DSCAM: variants seen among roughly 807,000 people sequenced by gnomAD.
DSCAM encodes the protein cell adhesion molecule DSCAM.
In DSCAM, 47 loss-of-function variants were observed where a neutral mutation model predicts 217.7. The ratio of observed to expected loss-of-function variants is 0.22; its 90% confidence interval spans 0.17 to 0.28. The LOEUF (loss-of-function observed/expected upper bound fraction) is 0.28, where lower values mean the gene tolerates loss of function less well. Among genes scored for constraint, DSCAM ranks in the 10% least tolerant of loss-of-function variants. The pLI is 1.00. For synonymous variants in DSCAM, 1,056 were observed against 1,015.3 expected (o/e 1.04, Z -0.76); for missense variants, 2,080 against 2,618.3 (o/e 0.79, Z 4.49).
chr21:40,083,118 G>A (rs563465444), intron 24 of DSCAM, among the ~76,000 whole-genome samples: 7 of 152,272 alleles, frequency 4.6e-5, no homozygotes, highest in African/African-American at 1.7e-4. Context: ...GAACGACCAT[G>A]CTCACTCCTT....
chr21:40,806,617 CTG>C lies in DSCAM; in HGVS notation c.43+40000_43+40001del, dbSNP rs544065296. Reference sequence around the variant, plus strand: ...CAATATGTACAAATACATTCAAGGGCTGTGTTTCTATTAGTTTCATCACCCTA... The same window carrying C: ...CAATATGTACAAATACATTCAAGGGCTGTTTCTATTAGTTTCATCACCCTA... On this transcript the variant is annotated intron_variant, in intron 1 of 32. Transcript: ENST00000400454. Among the ~76,000 whole-genome samples the C allele has an allele frequency of 1.4e-4, 21 of 152,286 alleles. 1 individual carries two copies. The East Asian group carries it at 4.1e-3, about 29-fold the overall frequency.
chr21:40,092,305 A>G (rs1484174052), intron 21 of DSCAM, among the ~76,000 whole-genome samples: 1 of 152,206 alleles, frequency 6.6e-6, no homozygotes. Flanking sequence ...GCCACCCAAG[A>G]GAGCCCTGAC....
intron 11 of DSCAM, among the ~76,000 whole-genome samples, chr21:40,241,686 C>T (rs1417194146): frequency 6.6e-6 from 1 of 152,130 alleles, no homozygotes; most frequent in Non-Finnish European, 1.5e-5. Flanking sequence ...ACCATAAAGA[C>T]ACATGCAAGC....
intron 30 of DSCAM, among the ~76,000 whole-genome samples, chr21:40,046,923 TGA>T (rs900651074): frequency 6.6e-6 from 1 of 152,042 alleles, no homozygotes; most frequent in African/African-American, 2.4e-5. Context: ...CTTTCCTCAT[TGA>T]GATCACCCTA....
At chr21:40,628,297 C>A (rs1001936992) in intron 3 of DSCAM, among the ~76,000 whole-genome samples, 3 of 152,190 alleles carry the variant, frequency 2.0e-5, no homozygotes, top group African/African-American at 7.2e-5. Flanking sequence ...CTGGCTCCCC[C>A]ACTTACCAGA....
intron 3 of DSCAM, among the ~76,000 whole-genome samples, chr21:40,407,795 C>T (rs1490995572): frequency 6.6e-6 from 1 of 152,206 alleles, no homozygotes; most frequent in Non-Finnish European, 1.5e-5. Flanking sequence ...CCCTCCAGAA[C>T]CCTGCTCTGC....
chr21:40,300,199 C>T (rs2073999339), intron 9 of DSCAM, among the ~76,000 whole-genome samples: 2 of 151,866 alleles, frequency 1.3e-5, no homozygotes, highest in Admixed American at 6.6e-5. Flanking sequence ...TGTAGAGCAC[C>T]ATATCCTTCC....
chr21:40,048,159 C>T (rs143718460), intron 30 of DSCAM, among the ~76,000 whole-genome samples: 32 of 152,320 alleles, frequency 2.1e-4, no homozygotes, highest in Non-Finnish European at 3.5e-4. Flanking sequence ...TCATCACCCA[C>T]GTTAAGAGCT....
At chr21:40,347,241 T>C (rs1468484503) in intron 6 of DSCAM, among the ~76,000 whole-genome samples, 1 of 146,218 alleles carries the variant, frequency 6.8e-6, no homozygotes, top group African/African-American at 2.6e-5. Flanking sequence ...GAGGTTGTGA[T>C]GAGCTGAGAC....
chr21:40,454,826 C>T (rs146873983), intron 3 of DSCAM, among the ~76,000 whole-genome samples: 1,750 of 152,260 alleles, frequency 0.011, 12 homozygotes, highest in South Asian at 0.027. Flanking sequence ...CCTCTCCTTT[C>T]GAGTGTGTGG....
chr21:40,368,611 C>T (rs1218936365), intron 4 of DSCAM, among the ~76,000 whole-genome samples: 1 of 152,150 alleles, frequency 6.6e-6, no homozygotes, highest in Non-Finnish European at 1.5e-5. Context: ...TCACTTCTTC[C>T]CATAAAGCAT....
At chr21:40,538,184 G>A (rs1453886653) in intron 3 of DSCAM, among the ~76,000 whole-genome samples, 1 of 152,156 alleles carries the variant, frequency 6.6e-6, no homozygotes, top group Non-Finnish European at 1.5e-5. Context: ...ACTCCTGAGA[G>A]CCCTTCTGCC....
chr21:40,563,171 G>A (rs2076734015), intron 3 of DSCAM, among the ~76,000 whole-genome samples: 1 of 151,856 alleles, frequency 6.6e-6, no homozygotes, highest in Admixed American at 6.6e-5. Flanking sequence ...ACCACTCACA[G>A]GTCAACCAAC....
At chr21:40,314,249 C>G (rs1054443936) in intron 8 of DSCAM, among the ~76,000 whole-genome samples, 2 of 152,170 alleles carry the variant, frequency 1.3e-5, no homozygotes, top group Non-Finnish European at 2.9e-5. Flanking sequence ...AGCTAGAACT[C>G]AAAATTGCAA....
At chr21:40,265,205 A>G (rs969609234) in intron 11 of DSCAM, among the ~76,000 whole-genome samples, 1 of 150,024 alleles carries the variant, frequency 6.7e-6, no homozygotes, top group African/African-American at 2.5e-5. Flanking sequence ...CAAAAAAAAA[A>G]GAAAAAAAAA....
chr21:40,652,717 T>C (rs1008895496), intron 3 of DSCAM, among the ~76,000 whole-genome samples: 2 of 152,066 alleles, frequency 1.3e-5, no homozygotes, highest in African/African-American at 4.8e-5. Flanking sequence ...CTTGACTGAC[T>C]CCTAGGAGGT....
intron 27 of DSCAM, among the ~76,000 whole-genome samples, chr21:40,068,464 T>C (rs1046910068): frequency 1.1e-4 from 17 of 152,148 alleles, no homozygotes; most frequent in Non-Finnish European, 1.9e-4. Context: ...ATTTAAAATA[T>C]AATTAGGGGA....
chr21:40,094,733 C>A (rs181138686), intron 20 of DSCAM, among the ~76,000 whole-genome samples: 255 of 152,318 alleles, frequency 1.7e-3, no homozygotes, highest in Non-Finnish European at 3.2e-3. Flanking sequence ...CTGAATACCA[C>A]TCCAGTCTTT....
chr21:40,737,250 G>T (rs1429332562), intron 1 of DSCAM, among the ~76,000 whole-genome samples: 2 of 152,110 alleles, frequency 1.3e-5, no homozygotes, highest in Non-Finnish European at 2.9e-5. Context: ...CATATTATAG[G>T]ATCACAAGTG....
Sources: gnomAD v4.1 joint callset for allele counts (sites outside exome capture counted in the v4.1 genomes callset) on GRCh38, gnomAD v4.1.1 for gene constraint, MANE v1.5 for transcripts, NCBI Gene and HGNC (gene_info 2026-07-23, HGNC 2026-07-21) for gene names.